CCDC186: variants seen among roughly 807,000 people sequenced by gnomAD.
CCDC186 encodes the protein coiled-coil domain containing 186, also known as coiled-coil domain-containing protein 186.
CCDC186 carries 49 observed loss-of-function variants against 113.7 expected under a neutral mutation model. The ratio of observed to expected loss-of-function variants is 0.43; its 90% CI spans 0.34 to 0.55. The LOEUF is 0.55. CCDC186 is among the 20% of genes least tolerant of loss of function. The pLI is 0.02. For synonymous variants in CCDC186, 355 were observed against 345.8 expected (o/e 1.03, Z -0.30); for missense variants, 890 against 1,011.1 (o/e 0.88, Z 1.62).
At position 114,122,788 on chromosome 10, in the gene CCDC186, G is replaced by A. The variant is rs1382736795; in HGVS notation, c.*2355C>T. The A allele has an allele frequency of 2.0e-5, 3 of 152,174 alleles. No homozygotes were observed. Among genetic ancestry groups the A allele is most frequent in the African/African-American group, 7.2e-5 (3 of 41,454 alleles). 9.4% of individuals were successfully genotyped at this position (152,174 alleles called of 1,614,324 possible). A position where few individuals can be genotyped will look rare whatever the true frequency, so the allele number is the denominator to read the frequency against. The stretch of plus-strand genomic sequence containing the variant: ...CATATACAAAAGCACACTGTAGACA[G>A]TGAAGAACAGAAGAAAACTAAAGCA... On this transcript the variant is annotated 3_prime_UTR_variant, in exon 16 of 16. Coordinates refer to ENST00000369287, the MANE Select transcript of CCDC186 (RefSeq NM_018017.4).
Position 114,125,137 on chromosome 10 carries a change from C to T in CCDC186, c.*6G>A. On this transcript the variant is annotated 3_prime_UTR_variant, in exon 16 of 16. Transcript: ENST00000369287. ...TTTTGTCTCTTTACTGAGCAAGAGG[C>T]TTGTTTTAGGTTTTCTTTGTCCTCT... The T allele has an allele frequency of 1.3e-6, 2 of 1,595,244 alleles. No homozygotes were observed. The highest frequency in any genetic ancestry group is 2.2e-5 in the South Asian group (2 of 89,212).
chr10:114,127,234 A>G (rs1467415979), intron 14 of CCDC186, among the ~76,000 whole-genome samples: 1 of 152,206 alleles, frequency 6.6e-6, no homozygotes, highest in Non-Finnish European at 1.5e-5. Flanking sequence ...TAAAAATATT[A>G]ACACTGACTG....
intron 14 of CCDC186, 105 bp from the exon 15 acceptor site, chr10:114,126,210 G>C: frequency 1.3e-6 from 1 of 788,088 alleles, no homozygotes; most frequent in South Asian, 1.8e-5. Flanking sequence ...TAAATATTAG[G>C]TTAATAACCT....
chr10:114,137,150 A>T lies in CCDC186; in HGVS notation c.1326+36T>A, dbSNP rs1193738321. On this transcript the variant is annotated intron_variant, in intron 7 of 15. Transcript: ENST00000369287. Reference sequence around the variant, plus strand: ...AAAAGAGAGAACTGATATTTGCTAAAATTTGATACTAATCTATTTTAAAAG... The same window carrying T: ...AAAAGAGAGAACTGATATTTGCTAATATTTGATACTAATCTATTTTAAAAG... 3 of 1,488,202 alleles carry T rather than the reference A, an allele frequency of 2.0e-6. No individual in the cohort carries two copies. The South Asian group carries it at 3.4e-5, about 17-fold the overall frequency. The allele number at this position is 1,488,202 out of a possible 1,614,324, so 92.2% of individuals were successfully genotyped here. A position where few individuals can be genotyped will look rare whatever the true frequency, so the allele number is the denominator to read the frequency against.
intron 10 of CCDC186, 25 bp downstream of exon 10, chr10:114,134,888 C>G (rs1032860168): frequency 1.3e-6 from 2 of 1,581,592 alleles, no homozygotes; most frequent in African/African-American, 1.4e-5. Flanking sequence ...CTTATTAATA[C>G]AAACAGAAGT....
chr10:114,173,500 T>A (rs545849321), intron 1 of CCDC186, among the ~76,000 whole-genome samples: 4 of 152,248 alleles, frequency 2.6e-5, no homozygotes, highest in Admixed American at 2.6e-4. Context: ...AAGAACAGTA[T>A]CCACCACTCC....
chr10:114,171,953 G>A (rs145705920), intron 1 of CCDC186, among the ~76,000 whole-genome samples: 1,868 of 152,174 alleles, frequency 0.012, 42 homozygotes, highest in African/African-American at 0.042. Flanking sequence ...CAGTAGCTAA[G>A]AAAGTTCAAA....
chr10:114,125,566 G>A (rs2030871602), intron 15 of CCDC186, among the ~76,000 whole-genome samples: 1 of 151,924 alleles, frequency 6.6e-6, no homozygotes, highest in Non-Finnish European at 1.5e-5. Context: ...ATAAAATAAA[G>A]CTGAAAAATA....
chr10:114,169,534 C>T (rs1589636292), intron 1 of CCDC186, among the ~76,000 whole-genome samples: 1 of 152,098 alleles, frequency 6.6e-6, no homozygotes, highest in Admixed American at 6.5e-5. Flanking sequence ...TGAGCCCCTG[C>T]GCCCAGCCCA....
chr10:114,131,218 T>C lies in CCDC186; in HGVS notation c.2030A>G (p.Lys677Arg). 6.2e-7 allele frequency: 1 copy of C among 1,600,368 alleles called. No individual in the cohort carries two copies. Among genetic ancestry groups the C allele is most frequent in the Non-Finnish European group, 8.5e-7 (1 of 1,174,226 alleles). ...ACGTCTCTGAGTTACTAACTCATCT[T>C]TTAATTCTTCTACCTGGGTACTCAA... ...KALSTQVEELKDELVTQRRKH... is the reference protein window; with the variant it reads ...KALSTQVEELRDELVTQRRKH... The change falls in exon 12 of 16, where the codon AAA (lysine) becomes AGA (arginine). Residue 677 changes from lysine to arginine, a missense_variant. Coordinates refer to ENST00000369287, the MANE Select transcript of CCDC186 (RefSeq NM_018017.4).
intron 14 of CCDC186, among the ~76,000 whole-genome samples, chr10:114,126,885 C>T (rs1296666746): frequency 2.0e-5 from 3 of 152,202 alleles, no homozygotes; most frequent in Non-Finnish European, 4.4e-5. Flanking sequence ...GCGCAGCACT[C>T]CTGAGTTACT....
At chr10:114,127,839 G>T (rs773078548) in intron 13 of CCDC186, among the ~76,000 whole-genome samples, 168 bp from the exon 14 acceptor site, 2 of 152,134 alleles carry the variant, frequency 1.3e-5, no homozygotes, top group African/African-American at 4.8e-5. Flanking sequence ...ATATACTGGT[G>T]ACAGAAGTAC....
At chr10:114,171,707 A>T (rs541658541) in intron 1 of CCDC186, among the ~76,000 whole-genome samples, 1 of 152,344 alleles carries the variant, frequency 6.6e-6, no homozygotes, top group East Asian at 1.9e-4. Context: ...TATTAAAAAC[A>T]TGAACTGATA....
rs745503695 is a variant in CCDC186, at chr10:114,127,679, CA to C, written c.2183-9del. On this transcript the variant is annotated splice_polypyrimidine_tract_variant and intron_variant, in intron 13 of 15. Coordinates refer to ENST00000369287, the MANE Select transcript of CCDC186 (RefSeq NM_018017.4). Reference sequence around the variant, plus strand: ...TTCGAGCATTCAGGGACCCTGAAGACAAAAAAAATTGGTTTAGATACTGTGC... The same window carrying C: ...TTCGAGCATTCAGGGACCCTGAAGACAAAAAAATTGGTTTAGATACTGTGC... 1.8e-5 allele frequency: 28 copies of C among 1,599,438 alleles called. No homozygotes were observed. Among genetic ancestry groups the C allele is most frequent in the Admixed American group, 7.1e-5 (4 of 56,460 alleles).
chr10:114,157,812 C>A, intron 2 of CCDC186, 132 bp from the exon 3 acceptor site: 1 of 682,678 alleles, frequency 1.5e-6, no homozygotes, highest in South Asian at 2.2e-5. Flanking sequence ...AATTAACATT[C>A]CTAAATAATC....
In CCDC186 at chr10:114,174,168, C is replaced by T; in HGVS notation, c.-215G>A. On this transcript the variant is annotated 5_prime_UTR_variant, in exon 1 of 16. Coordinates refer to ENST00000369287, the MANE Select transcript of CCDC186 (RefSeq NM_018017.4). ...CGACGCCTCACTCAGCGGCCGTTTC[C>T]CCAAACCCCTGCGGAGCTGACACAT... The T allele has an allele frequency of 2.1e-6, 1 of 465,232 alleles. No homozygotes were observed. 28.8% of individuals were successfully genotyped at this position (465,232 alleles called of 1,614,324 possible). A position where few individuals can be genotyped will look rare whatever the true frequency, so the allele number is the denominator to read the frequency against.
chr10:114,151,948 T>C (rs2031869235), intron 3 of CCDC186, among the ~76,000 whole-genome samples: 1 of 152,200 alleles, frequency 6.6e-6, no homozygotes, highest in Non-Finnish European at 1.5e-5. Flanking sequence ...ATGAATCTTC[T>C]ATCCATGAAA....
chr10:114,149,550 AAGGGAAGGAAAGGAAAGGGAAGGG>A (rs2031750401), intron 4 of CCDC186, among the ~76,000 whole-genome samples: 1 of 106,058 alleles, frequency 9.4e-6, no homozygotes, highest in African/African-American at 3.9e-5. Flanking sequence ...AAGGGAAGGG[AAGGGAAGGAAAGGAAAGGGAAGGG>A]AAGGGAAGGG....
chr10:114,136,346 TTC>T, intron 7 of CCDC186, 100 bp from the exon 8 acceptor site: 1 of 737,748 alleles, frequency 1.4e-6, no homozygotes, highest in Non-Finnish European at 2.3e-6. Flanking sequence ...TCATATACAT[TTC>T]TGTTACGTTA....
Sources: gnomAD v4.1 joint callset for allele counts (sites outside exome capture counted in the v4.1 genomes callset) on GRCh38, gnomAD v4.1.1 for gene constraint, MANE v1.5 for transcripts, NCBI Gene and HGNC (gene_info 2026-07-23, HGNC 2026-07-21) for gene names.